The following BDP1 variants were observed in gnomAD, a reference collection of about 807,000 sequenced individuals.
BDP1 encodes the protein transcription factor TFIIIB component B'' homolog.
A neutral mutation model predicts 266.6 loss-of-function variants in BDP1; 169 were observed. That is an observed-to-expected ratio of 0.63 (90% CI 0.56 to 0.72). The LOEUF is 0.72. Among genes scored for constraint, BDP1 ranks in the 30% least tolerant of loss-of-function variants. BDP1 has a pLI of 0.00. For synonymous variants in BDP1, 1,090 were observed against 1,022.4 expected (o/e 1.07, Z -1.26); for missense variants, 3,015 against 3,053.8 (o/e 0.99, Z 0.30).
At chr5:71,522,514 A>AC in intron 23 of BDP1, 24 bp downstream of exon 23, 1 of 1,571,784 alleles carries the variant, frequency 6.4e-7, no homozygotes, top group Non-Finnish European at 8.6e-7. Flanking sequence ...AAAAAAAAAA[A>AC]AAAATTTTTT....
In BDP1 at chr5:71,565,148, A is replaced by C; in HGVS notation, c.*263A>C. 1 of 369,292 alleles carries C rather than the reference A, an allele frequency of 2.7e-6. No individual in the cohort carries two copies. 22.9% of individuals were successfully genotyped at this position (369,292 alleles called of 1,614,324 possible). On this transcript the variant is annotated 3_prime_UTR_variant, in exon 39 of 39. Transcript: ENST00000358731. ...GACAGAAATAACAACTCTTGTTTAC[A>C]TTTTGACTCTTCCTGTGCTAAGCAC... is the stretch of plus-strand genomic sequence containing the variant.
chr5:71,466,847 A>G (rs1761938976), intron 5 of BDP1, among the ~76,000 whole-genome samples: 1 of 152,220 alleles, frequency 6.6e-6, no homozygotes, highest in South Asian at 2.1e-4. Flanking sequence ...TAGCATTCAC[A>G]TTCTATAATT....
intron 2 of BDP1, among the ~76,000 whole-genome samples, chr5:71,459,487 G>T (rs192971834): frequency 6.6e-6 from 1 of 152,312 alleles, no homozygotes; most frequent in Non-Finnish European, 1.5e-5. Flanking sequence ...ATTCCAGCCT[G>T]GGTGATAGAG....
intron 15 of BDP1, among the ~76,000 whole-genome samples, chr5:71,503,421 A>G (rs1764383463): frequency 6.6e-6 from 1 of 152,220 alleles, no homozygotes; most frequent in Non-Finnish European, 1.5e-5. Flanking sequence ...ATGATAGATA[A>G]TCTGTTTCAC....
chr5:71,512,996 A>G (rs574777504), intron 18 of BDP1, among the ~76,000 whole-genome samples, 189 bp from the exon 19 acceptor site: 1 of 149,590 alleles, frequency 6.7e-6, no homozygotes, highest in Non-Finnish European at 1.5e-5. Flanking sequence ...CGCGGAGGTC[A>G]AGGCTGCAGT....
In BDP1 at chr5:71,501,595, G is replaced by T; in HGVS notation, c.1990G>T (p.Asp664Tyr). The change falls in exon 14 of 39, where the codon GAC (aspartate) becomes TAC (tyrosine). Residue 664 changes from aspartate to tyrosine, a missense_variant. This residue lies in a region of BDP1 where 2,383 missense variants were observed against 2,404.9 expected (regional missense o/e 0.99). Transcript: ENST00000358731. ...HVEKDKMNTL[D>Y]ILRMETTERE... The stretch of plus-strand genomic sequence containing the variant: ...GGAAAAAGATAAAATGAATACATTG[G>T]ACATTTTGAGAATGGAGACTACAGA... 1.2e-6 allele frequency: 2 copies of T among 1,605,240 alleles called. No individual in the cohort carries two copies. The highest frequency in any genetic ancestry group is 8.5e-7 in the Non-Finnish European group (1 of 1,173,634).
rs760377005 is a variant in BDP1 at position 71,562,301 on chromosome 5, A to G, written c.7524A>G (p.Leu2508=). 2 of 1,584,048 alleles carry G rather than the reference A, an allele frequency of 1.3e-6. No homozygotes were observed. Among genetic ancestry groups the G allele is most frequent in the Non-Finnish European group, 8.6e-7 (1 of 1,164,704 alleles). Residue 2508 remains leucine, a synonymous_variant, in exon 38 of 39, where the codon TTA becomes TTG. Transcript: ENST00000358731. ...CTGGCAGAAGACCCCTGGGATTTTT[A>G]TCTTTAATATGCTCAAAGAATAGTT... ...SRPGRRPLGF[L]SLICSKNSLE... is the part of the protein sequence containing the mutation.
downstream of BDP1, among the ~76,000 whole-genome samples, chr5:71,569,618 C>T (rs1428886204): frequency 2.0e-5 from 3 of 148,348 alleles, no homozygotes; most frequent in East Asian, 2.0e-4. Flanking sequence ...TGCTAGCACG[C>T]GCCTGTGGTC....
intron 31 of BDP1, 46 bp downstream of exon 31, chr5:71,544,553 C>A: frequency 1.3e-6 from 2 of 1,575,838 alleles, no homozygotes; most frequent in Non-Finnish European, 1.7e-6. Context: ...ATTGTTTCAG[C>A]TATAGCCTTA....
In BDP1 at chr5:71,542,143, G is replaced by GTCT; in HGVS notation, c.6290_6291insTCT (p.Arg2097delinsSerLeu). ...AAAGTGACCAGTAATTTGAGAATAA[G>GTCT]AAGTAGGCTTGCTAAGCCTAAACCA... On this transcript the variant is annotated protein_altering_variant, in exon 30 of 39. Coordinates refer to ENST00000358731, the MANE Select transcript of BDP1 (RefSeq NM_018429.3). 1 of 1,610,104 alleles carries GTCT rather than the reference G, an allele frequency of 6.2e-7. No homozygotes were observed. The highest frequency in any genetic ancestry group is 8.5e-7 in the Non-Finnish European group (1 of 1,178,958).
chr5:71,498,881 G>A (rs867886265), intron 13 of BDP1, among the ~76,000 whole-genome samples: 35 of 151,812 alleles, frequency 2.3e-4, no homozygotes, highest in African/African-American at 8.0e-4. Flanking sequence ...GCACCACCAC[G>A]CCCAGCTAAT....
intron 36 of BDP1, among the ~76,000 whole-genome samples, chr5:71,558,334 C>G (rs1368427124): frequency 6.6e-6 from 1 of 151,248 alleles, no homozygotes; most frequent in Non-Finnish European, 1.5e-5. Flanking sequence ...TCAGCCTGGC[C>G]AACATGGCGA....
At chr5:71,469,127 G>C (rs1008091257) in intron 6 of BDP1, among the ~76,000 whole-genome samples, 3 of 151,894 alleles carry the variant, frequency 2.0e-5, no homozygotes, top group Non-Finnish European at 4.4e-5. Flanking sequence ...TTCTCCTGAA[G>C]TGTAACTTCT....
chr5:71,553,696 TATC>T (rs146479633), intron 35 of BDP1, among the ~76,000 whole-genome samples: 2 of 151,586 alleles, frequency 1.3e-5, no homozygotes, highest in Non-Finnish European at 1.5e-5. Flanking sequence ...ATAATACTAG[TATC>T]ATCATCATCA....
At chr5:71,507,059 G>A (rs1212381439) in intron 16 of BDP1, among the ~76,000 whole-genome samples, 2 of 151,846 alleles carry the variant, frequency 1.3e-5, no homozygotes, top group African/African-American at 4.8e-5. Context: ...TGGGCTGAAG[G>A]GATCCTCCTT....
At chr5:71,552,086 G>T (rs1448351554) in intron 34 of BDP1, among the ~76,000 whole-genome samples, 14 of 150,338 alleles carry the variant, frequency 9.3e-5, no homozygotes, top group African/African-American at 3.4e-4. Flanking sequence ...GGTAGGAGGG[G>T]CTCCTCACTT....
intron 32 of BDP1, among the ~76,000 whole-genome samples, chr5:71,546,972 A>G (rs1742365807): frequency 1.3e-5 from 2 of 151,946 alleles, no homozygotes; most frequent in Non-Finnish European, 2.9e-5. Flanking sequence ...CAGCCTCCCA[A>G]GTAGCTGGGA....
At chr5:71,531,611 C>T (rs561245383) in intron 25 of BDP1, among the ~76,000 whole-genome samples, 185 of 152,224 alleles carry the variant, frequency 1.2e-3, no homozygotes, top group African/African-American at 4.3e-3. Context: ...TGGGTTCAAG[C>T]GATTCTCCTG....
intron 34 of BDP1, among the ~76,000 whole-genome samples, chr5:71,552,799 G>T (rs538515574): frequency 6.6e-6 from 1 of 152,358 alleles, no homozygotes; most frequent in East Asian, 1.9e-4. Flanking sequence ...CGGCATCAGA[G>T]GGAGACCGTG....
Sources: allele counts gnomAD v4.1 joint callset (sites outside exome capture counted in the v4.1 genomes callset), GRCh38; gene constraint gnomAD v4.1.1; regional missense constraint gnomAD v4.1.1; transcripts MANE v1.5; gene names NCBI Gene and HGNC (gene_info 2026-07-23, HGNC 2026-07-21).